DPH6: variants seen among roughly 807,000 people sequenced by gnomAD.
The protein encoded by DPH6 is diphthamine biosynthesis 6, also known as diphthine--ammonia ligase.
DPH6 carries 33 observed loss-of-function variants against 38.2 expected under a neutral mutation model. The observed-to-expected ratio is 0.86, with a 90% CI of 0.65 to 1.15. DPH6 has a LOEUF of 1.15. DPH6 is among the 50% of genes most tolerant of loss of function. The pLI is 0.00. For missense variants in DPH6, 325 were observed against 320.0 expected, an observed-to-expected ratio of 1.02 and a Z score of -0.12; for synonymous variants, 108 against 103.0, an observed-to-expected ratio of 1.05 and a Z score of -0.30.
downstream of DPH6, among the ~76,000 whole-genome samples, chr15:35,330,398 A>G (rs1484025227): frequency 6.6e-6 from 1 of 152,154 alleles, no homozygotes; most frequent in Non-Finnish European, 1.5e-5. Flanking sequence ...AAATGGAAGC[A>G]TTTTGTTTTA....
chr15:35,255,363 A>C (rs879911725), intron 3 of DPH6, among the ~76,000 whole-genome samples: 4 of 152,358 alleles, frequency 2.6e-5, no homozygotes, highest in Middle Eastern at 3.4e-3. Context: ...TTGAGAATCA[A>C]TAGAGTAAAA....
intron 5 of DPH6, among the ~76,000 whole-genome samples, chr15:35,443,080 C>T (rs1405862054): frequency 1.3e-5 from 2 of 152,216 alleles, no homozygotes; most frequent in Middle Eastern, 3.4e-3. Context: ...AATGTGTAGT[C>T]ATAGTAGCTA....
At chr15:35,227,693 T>C (rs2051492002) in intron 3 of DPH6, among the ~76,000 whole-genome samples, 1 of 152,058 alleles carries the variant, frequency 6.6e-6, no homozygotes, top group African/African-American at 2.4e-5. Context: ...CTGGCTTTTC[T>C]AGTTTTTAAG....
the DPH6 span, among the ~76,000 whole-genome samples, chr15:35,150,573 C>T: frequency 2.0e-5 from 3 of 152,288 alleles, no homozygotes; most frequent in Admixed American, 6.5e-5. Flanking sequence ...AGGCAGAGCT[C>T]GTGTTGTAAA....
chr15:35,326,010 C>T (rs1431812048), downstream of DPH6, among the ~76,000 whole-genome samples: 1 of 151,998 alleles, frequency 6.6e-6, no homozygotes. Flanking sequence ...CCACAATATA[C>T]CAATCAGAAT....
At chr15:35,295,557 C>A (rs916257696) in intron 3 of DPH6, among the ~76,000 whole-genome samples, 7 of 152,176 alleles carry the variant, frequency 4.6e-5, no homozygotes, top group African/African-American at 1.7e-4. Flanking sequence ...TTACTCCTGT[C>A]ATCATCCTTG....
Position 35,520,243 on chromosome 15 carries a change from AAAG to A in DPH6, c.312+18028_312+18030del, listed in dbSNP as rs1221236151. 94 of 866,150 alleles carry A rather than the reference AAAG, an allele frequency of 1.1e-4. 1 individual carries two copies. In the East Asian group the frequency reaches 1.2e-3, roughly 11 times the overall value. 53.7% of individuals were successfully genotyped at this position (866,150 alleles called of 1,614,324 possible). A position where few individuals can be genotyped will look rare whatever the true frequency, so the allele number is the denominator to read the frequency against. ...TACAAAAAAAAACAAAAAAAAAACA[AAAG>A]AAGAAGAATCAAAACTGAAATCCTC... On this transcript the variant is annotated intron_variant, in intron 3 of 8. Coordinates refer to ENST00000256538, the MANE Select transcript of DPH6 (RefSeq NM_080650.4).
rs148183851 is a variant in DPH6, at chr15:35,495,756, T to C, written c.313-40936A>G. On this transcript the variant is annotated intron_variant, in intron 3 of 8. Coordinates refer to ENST00000256538, the MANE Select transcript of DPH6 (RefSeq NM_080650.4). ...AACTTGATCCTAATAGTTATGGCACTCTTAAAAAGGAATTACATTGGAGAA... is the reference window on the plus strand; with the variant it reads ...AACTTGATCCTAATAGTTATGGCACCCTTAAAAAGGAATTACATTGGAGAA... Among the ~76,000 whole-genome samples, 688 of 152,310 alleles carry C rather than the reference T, an allele frequency of 4.5e-3. 14 individuals carry two copies. Among genetic ancestry groups the C allele is most frequent in the East Asian group, 3.9e-3 (20 of 5,188 alleles).
At chr15:35,417,694 AT>A (rs1201903436) in intron 5 of DPH6, among the ~76,000 whole-genome samples, 1 of 152,118 alleles carries the variant, frequency 6.6e-6, no homozygotes, top group African/African-American at 2.4e-5. Context: ...ATTTTAAAGT[AT>A]ATGAATATAT....
intron 3 of DPH6, among the ~76,000 whole-genome samples, chr15:35,536,271 CAT>C (rs2141551973): frequency 6.6e-6 from 1 of 151,992 alleles, no homozygotes; most frequent in East Asian, 1.9e-4. Flanking sequence ...CAATCACTTC[CAT>C]AAAAGCAATA....
At chr15:35,345,492 A>G (rs1180368130) in intron 3 of DPH6, among the ~76,000 whole-genome samples, 1 of 151,882 alleles carries the variant, frequency 6.6e-6, no homozygotes, top group Non-Finnish European at 1.5e-5. Context: ...TCTATTGCAC[A>G]TGATTATGCG....
rs374249061 is a variant in DPH6, at chr15:35,240,343, C to T, written n.201-19761G>A. ...CCTAGTCTCTGTGCCCAGTGCAACT[C>T]GTCCCAAATCTTCCTTCTTTCCCTC... On this transcript the variant is annotated intron_variant and non_coding_transcript_variant, in intron 3 of 3. Coordinates refer to the DPH6 transcript ENST00000560386. Among the ~76,000 whole-genome samples, 633 of 142,876 alleles carry T rather than the reference C, an allele frequency of 4.4e-3. 63 individuals are homozygous for T. Among genetic ancestry groups the T allele is most frequent in the African/African-American group, 8.9e-3 (353 of 39,544 alleles). The allele number at this position is 142,876 out of a possible 152,430, so 93.7% of individuals were successfully genotyped here. A position where few individuals can be genotyped will look rare whatever the true frequency, so the allele number is the denominator to read the frequency against.
At chr15:35,281,576 G>A in intron 3 of DPH6, among the ~76,000 whole-genome samples, 1 of 152,144 alleles carries the variant, frequency 6.6e-6, no homozygotes. Context: ...TTTTAACAAA[G>A]TCATGACTTC....
intron 3 of DPH6, among the ~76,000 whole-genome samples, chr15:35,357,705 T>C (rs941095655): frequency 6.6e-6 from 1 of 152,228 alleles, no homozygotes; most frequent in Non-Finnish European, 1.5e-5. Context: ...ACCGAAGATA[T>C]GGCCCCAATC....
intron 3 of DPH6, among the ~76,000 whole-genome samples, chr15:35,487,775 A>G (rs1641200923): frequency 6.6e-6 from 1 of 152,190 alleles, no homozygotes; most frequent in Non-Finnish European, 1.5e-5. Flanking sequence ...ATTTCTCCCC[A>G]GAAAGTGGGT....
chr15:35,210,849 C>G, the DPH6 span, among the ~76,000 whole-genome samples: 1 of 147,422 alleles, frequency 6.8e-6, no homozygotes, highest in Non-Finnish European at 1.5e-5. Flanking sequence ...AGCAAGATTT[C>G]AAATATGTGT....
intron 5 of DPH6, among the ~76,000 whole-genome samples, chr15:35,436,014 C>T (rs2141044013): frequency 6.6e-6 from 1 of 152,108 alleles, no homozygotes; most frequent in South Asian, 2.1e-4. Flanking sequence ...ACCCCAATGG[C>T]TGTAGGTGCA....
intron 3 of DPH6, among the ~76,000 whole-genome samples, chr15:35,527,320 G>GA (rs149753156): frequency 0.11 from 17,165 of 152,068 alleles, 1,595 homozygotes; most frequent in African/African-American, 0.26. Context: ...AAGAAAAGAA[G>GA]AAAGAGATAC....
At chr15:35,257,130 G>C (rs1282148178) in intron 3 of DPH6, among the ~76,000 whole-genome samples, 1 of 152,132 alleles carries the variant, frequency 6.6e-6, no homozygotes, top group Non-Finnish European at 1.5e-5. Context: ...TAGTGACATG[G>C]GCAGGCATCA....
Sources: gnomAD v4.1 joint callset for allele counts (sites outside exome capture counted in the v4.1 genomes callset) on GRCh38, gnomAD v4.1.1 for gene constraint, MANE v1.5 for transcripts, NCBI Gene and HGNC (gene_info 2026-07-23, HGNC 2026-07-21) for gene names.